The following GABRA5 variants were observed in gnomAD, a reference collection of about 807,000 sequenced individuals.
GABRA5 encodes the protein gamma-aminobutyric acid receptor subunit alpha-5.
Under a neutral mutation model 47.3 loss-of-function variants are expected in GABRA5, and 18 were observed. The ratio of observed to expected loss-of-function variants is 0.38; its 90% CI spans 0.26 to 0.56. GABRA5 has a LOEUF of 0.56. Ranked by LOEUF, GABRA5 falls within the 20% of genes least tolerant of loss-of-function variation. GABRA5 has a pLI of 0.71. For synonymous variants in GABRA5, 237 were observed against 229.3 expected (o/e 1.03, Z -0.30); for missense variants, 365 against 599.3 (o/e 0.61, Z 4.08).
At position 26,897,617 on chromosome 15, in the gene GABRA5, C is replaced by T. The variant is rs143801650; in HGVS notation, c.497+14060C>T. On this transcript the variant is annotated intron_variant, in intron 6 of 10. Coordinates refer to ENST00000335625, the MANE Select transcript of GABRA5 (RefSeq NM_000810.4). ...CAACTTCACACTCAAGGTGTCAATCCATTTCTTTACAAACTCAACAGGAGT... is the reference window on the plus strand; with the variant it reads ...CAACTTCACACTCAAGGTGTCAATCTATTTCTTTACAAACTCAACAGGAGT... Among the ~76,000 whole-genome samples the T allele has an allele frequency of 5.1e-3, 782 of 152,302 alleles. 9 individuals carry two copies. Among genetic ancestry groups the T allele is most frequent in the African/African-American group, 0.018 (749 of 41,542 alleles).
chr15:26,874,872 C>G (rs113079789), intron 3 of GABRA5, among the ~76,000 whole-genome samples: 123 of 152,328 alleles, frequency 8.1e-4, no homozygotes, highest in African/African-American at 2.7e-3. Flanking sequence ...ACTGTCAGTT[C>G]GGTTCCTGTT....
intron 6 of GABRA5, among the ~76,000 whole-genome samples, chr15:26,892,465 T>G (rs1167426106): frequency 6.6e-6 from 1 of 152,028 alleles, no homozygotes; most frequent in East Asian, 2.0e-4. Flanking sequence ...CGCGCGCACA[T>G]GACCTGCGAG....
In GABRA5 at chr15:26,869,331, T is replaced by A. The variant is rs1181506295; in HGVS notation, c.83T>A (p.Phe28Tyr). Residue 28 changes from phenylalanine to tyrosine, a missense_variant, in exon 3 of 11, where the codon TTT becomes TAT. Phe to Tyr is a conservative substitution (Grantham distance 22). Coordinates refer to ENST00000335625, the MANE Select transcript of GABRA5 (RefSeq NM_000810.4). Reference protein sequence around the residue: ...FCISMNLSSHFGFSQMPTSSV... With the variant: ...FCISMNLSSHYGFSQMPTSSV... Reference sequence around the variant, plus strand: ...ATTTCCATGAACTTATCCAGTCACTTTGGGTAAGTTACCATCTGTGCTTTT... The same window carrying A: ...ATTTCCATGAACTTATCCAGTCACTATGGGTAAGTTACCATCTGTGCTTTT... 6.3e-7 allele frequency: 1 copy of A among 1,580,966 alleles called. No homozygotes were observed. The highest frequency in any genetic ancestry group is 1.1e-5 in the South Asian group (1 of 90,320).
intron 7 of GABRA5, among the ~76,000 whole-genome samples, chr15:26,916,269 A>T (rs1443748007): frequency 1.3e-5 from 2 of 152,172 alleles, no homozygotes; most frequent in Non-Finnish European, 2.9e-5. Flanking sequence ...ATTTTTTTAC[A>T]CTTATTGTTT....
At position 26,883,314 on chromosome 15, in the gene GABRA5, C is replaced by T. The variant is rs140680; in HGVS notation, c.277-23C>T. The T allele has an allele frequency of 0.11, 180,678 of 1,612,644 alleles. 10,614 individuals carry two copies. Among genetic ancestry groups the T allele is most frequent in the East Asian group, 0.17 (7,399 of 44,832 alleles). On this transcript the variant is annotated intron_variant, in intron 5 of 10. Coordinates refer to ENST00000335625, the MANE Select transcript of GABRA5 (RefSeq NM_000810.4). This position sits in a 1 kb window ranked among gnomAD's most constrained non-coding sequence, Gnocchi z 4.8. ...GCCCAGGCCCCGTGCCCTCTGACTG[C>T]CTCGTGCCTTCCTTTCCACTAGGAG...
intron 7 of GABRA5, among the ~76,000 whole-genome samples, chr15:26,936,450 T>C (rs372860096): frequency 2.6e-5 from 4 of 152,320 alleles, no homozygotes; most frequent in South Asian, 4.1e-4. Context: ...TTGTCATGCT[T>C]CTAATCTCTC....
intron 3 of GABRA5, among the ~76,000 whole-genome samples, chr15:26,875,769 G>T (rs1484355701): frequency 1.3e-5 from 2 of 152,114 alleles, no homozygotes; most frequent in African/African-American, 2.4e-5. Flanking sequence ...GCCATGCAGG[G>T]GAGTATCAGG....
At chr15:26,912,691 A>G (rs576901945) in intron 6 of GABRA5, among the ~76,000 whole-genome samples, 1 of 152,354 alleles carries the variant, frequency 6.6e-6, no homozygotes, top group Non-Finnish European at 1.5e-5. Context: ...GATTATATAA[A>G]GATTTTGGTG....
intron 6 of GABRA5, among the ~76,000 whole-genome samples, chr15:26,890,574 C>T (rs2140265880): frequency 6.6e-6 from 1 of 152,164 alleles, no homozygotes; most frequent in African/African-American, 2.4e-5. Context: ...CCGCCGATCT[C>T]CCTGTAGGCA....
chr15:26,937,496 G>A (rs1307580161), intron 8 of GABRA5, among the ~76,000 whole-genome samples, 168 bp downstream of exon 8: 1 of 152,172 alleles, frequency 6.6e-6, no homozygotes, highest in Admixed American at 6.5e-5. Context: ...ACAGCTGTAT[G>A]AGAGCTGGCC....
In GABRA5 at chr15:26,906,147, C is replaced by T. The variant is rs150052652; in HGVS notation, c.498-8656C>T. On this transcript the variant is annotated intron_variant, in intron 6 of 10. Transcript: ENST00000335625. Reference sequence around the variant, plus strand: ...GTGGTTTTTGTTTGTTTGTTTATGCCTGTTGTGATTATTGTTGTTTGCTTG... The same window carrying T: ...GTGGTTTTTGTTTGTTTGTTTATGCTTGTTGTGATTATTGTTGTTTGCTTG... Among the ~76,000 whole-genome samples the T allele has an allele frequency of 2.5e-3, 291 of 117,918 alleles. 1 individual carries two copies. The highest frequency in any genetic ancestry group is 8.7e-3 in the African/African-American group (276 of 31,890). 77.4% of individuals were successfully genotyped at this position (117,918 alleles called of 152,430 possible).
At chr15:26,927,780 A>G (rs577551075) in intron 7 of GABRA5, among the ~76,000 whole-genome samples, 4 of 152,356 alleles carry the variant, frequency 2.6e-5, no homozygotes, top group South Asian at 4.1e-4. Context: ...AAATTACTCA[A>G]TTCAACAGTT....
chr15:26,905,823 T>A (rs1893432262), intron 6 of GABRA5, among the ~76,000 whole-genome samples: 1 of 152,004 alleles, frequency 6.6e-6, no homozygotes, highest in Non-Finnish European at 1.5e-5. Context: ...ACCTCCAGAA[T>A]TTTTTTGGTT....
At chr15:26,924,775 G>T (rs1893921604) in intron 7 of GABRA5, among the ~76,000 whole-genome samples, 3 of 152,112 alleles carry the variant, frequency 2.0e-5, no homozygotes. Flanking sequence ...GTCCTACTAG[G>T]TTGCACCCTT....
rs1463041424 is a variant in GABRA5 at position 26,943,508 on chromosome 15, TGCTGCTCC to T, written c.1089+83_1089+90del. The T allele has an allele frequency of 8.8e-5, 111 of 1,265,682 alleles. 1 individual carries two copies. In the South Asian group the frequency reaches 1.4e-3, roughly 16 times the overall value. The allele number at this position is 1,265,682 out of a possible 1,614,324, so 78.4% of individuals were successfully genotyped here. A position where few individuals can be genotyped will look rare whatever the true frequency, so the allele number is the denominator to read the frequency against. On this transcript the variant is annotated intron_variant, in intron 10 of 10. Transcript: ENST00000335625. ...GATTCTATCCAAACATGAGACAAGG[TGCTGCTCC>T]TTCCTACCCGCCAGCCCCCGAATGC...
chr15:26,939,382 G>A (rs764832743), intron 8 of GABRA5: 13 of 765,156 alleles, frequency 1.7e-5, no homozygotes, highest in Admixed American at 1.4e-4. Flanking sequence ...CACCTCTCTG[G>A]TAGGTGGCAG....
intron 6 of GABRA5, among the ~76,000 whole-genome samples, chr15:26,898,626 C>T (rs1415966028): frequency 6.6e-6 from 1 of 152,190 alleles, no homozygotes; most frequent in African/African-American, 2.4e-5. Context: ...TCAGCATTCC[C>T]TCTGACCTGC....
intron 7 of GABRA5, among the ~76,000 whole-genome samples, chr15:26,930,137 C>A (rs182351560): frequency 2.6e-5 from 4 of 151,614 alleles, no homozygotes; most frequent in African/African-American, 9.7e-5. Flanking sequence ...TTCAGCCTCC[C>A]GAGTAGCTGG....
intron 6 of GABRA5, among the ~76,000 whole-genome samples, chr15:26,907,929 C>T (rs923884349): frequency 1.3e-5 from 2 of 152,136 alleles, no homozygotes; most frequent in Non-Finnish European, 2.9e-5. Flanking sequence ...TACATCCGTG[C>T]ATTCTTTTCT....
Sources: allele counts gnomAD v4.1 joint callset (sites outside exome capture counted in the v4.1 genomes callset), GRCh38; gene constraint gnomAD v4.1.1; non-coding constraint Gnocchi (gnomAD v3.1); transcripts MANE v1.5; gene names NCBI Gene and HGNC (gene_info 2026-07-23, HGNC 2026-07-21).